Variants in SLC2A4 observed in about 807,000 individuals in gnomAD.
SLC2A4 encodes solute carrier family 2 member 4.
SLC2A4 carries 31 observed loss-of-function variants against 53.3 expected under a neutral mutation model. The ratio of observed to expected loss-of-function variants is 0.58; its 90% CI spans 0.44 to 0.78. SLC2A4 has a LOEUF of 0.78. Among genes scored for constraint, SLC2A4 ranks in the 30% least tolerant of loss-of-function variants. The probability of loss-of-function intolerance (pLI) is 0.00; values close to 1 mark genes in which losing one functional copy is unlikely to be tolerated. For synonymous variants in SLC2A4, 276 were observed against 281.9 expected (o/e 0.98, Z 0.21); for missense variants, 538 against 655.7 (o/e 0.82, Z 1.96).
chr17:7,282,552 CCCT>C lies in SLC2A4; in HGVS notation c.33+591_33+593del. On this transcript the variant is annotated intron_variant, in intron 1 of 10. Coordinates refer to ENST00000317370, the MANE Select transcript of SLC2A4 (RefSeq NM_001042.3). The surrounding 1 kb of genome is among the most constrained non-coding windows in gnomAD (Gnocchi z 4.1). ...CACCGCCCCTCACACTACCTTCCTG[CCCT>C]CCTCCCCTGGGCATGGCTCTCCCAG... 2.6e-6 allele frequency: 1 copy of C among 386,962 alleles called. No individual in the cohort carries two copies. Among genetic ancestry groups the C allele is most frequent in the South Asian group, 1.9e-5 (1 of 53,218 alleles). The allele number at this position is 386,962 out of a possible 1,614,324, so 24.0% of individuals were successfully genotyped here. A position where few individuals can be genotyped will look rare whatever the true frequency, so the allele number is the denominator to read the frequency against.
Position 7,285,025 on chromosome 17 carries a change from C to T in SLC2A4, c.1021-63C>T. On this transcript the variant is annotated intron_variant, in intron 8 of 10. Coordinates refer to ENST00000317370, the MANE Select transcript of SLC2A4 (RefSeq NM_001042.3). The surrounding 1 kb of genome is among the most constrained non-coding windows in gnomAD (Gnocchi z 6.0). Reference sequence around the variant, plus strand: ...GGTCCTGCTCTTGGTTGCCCTCACCCACGCGGCCCCTCCTACTTCCCGTGC... The same window carrying T: ...GGTCCTGCTCTTGGTTGCCCTCACCTACGCGGCCCCTCCTACTTCCCGTGC... 6.2e-7 allele frequency: 1 copy of T among 1,613,042 alleles called. No homozygotes were observed. The highest frequency in any genetic ancestry group is 8.5e-7 in the Non-Finnish European group (1 of 1,179,650).
In SLC2A4 at chr17:7,285,070, C is replaced by T; in HGVS notation, c.1021-18C>T. On this transcript the variant is annotated intron_variant, in intron 8 of 10. Transcript: ENST00000317370. The surrounding 1 kb of genome is among the most constrained non-coding windows in gnomAD (Gnocchi z 6.0). ...CCGTGCCCAAAAGGCTGGGGTCAAG[C>T]TCCGACTCTCCCCGCAGGTGTTGTT... 1 of 1,607,786 alleles carries T rather than the reference C, an allele frequency of 6.2e-7. No individual in the cohort carries two copies. Among genetic ancestry groups the T allele is most frequent in the Non-Finnish European group, 8.5e-7 (1 of 1,177,650 alleles).
chr17:7,283,772 G>C lies in SLC2A4; in HGVS notation c.358G>C (p.Val120Leu). 6.2e-7 allele frequency: 1 copy of C among 1,614,090 alleles called. No individual in the cohort carries two copies. The highest frequency in any genetic ancestry group is 8.5e-7 in the Non-Finnish European group (1 of 1,180,014). Residue 120 changes from valine to leucine, a missense_variant, in exon 4 of 11, where the codon GTG (valine) becomes CTG (leucine). Val to Leu is a conservative substitution (Grantham distance 32). Coordinates refer to ENST00000317370, the MANE Select transcript of SLC2A4 (RefSeq NM_001042.3). This position sits in a 1 kb window ranked among gnomAD's most constrained non-coding sequence, Gnocchi z 5.8. The stretch of plus-strand genomic sequence containing the variant: ...CATGCTGGTCAACAATGTCCTGGCG[G>C]TGCTGGGGGGCAGCCTCATGGGCCT... ...RAMLVNNVLA[V>L]LGGSLMGLAN...
chr17:7,284,550 C>G lies in SLC2A4; in HGVS notation c.793C>G (p.Arg265Gly). The change falls in exon 7 of 11, where the codon CGG becomes GGG. Residue 265 changes from arginine to glycine, a missense_variant. Coordinates refer to ENST00000317370, the MANE Select transcript of SLC2A4 (RefSeq NM_001042.3). The surrounding 1 kb of genome is among the most constrained non-coding windows in gnomAD (Gnocchi z 7.5). ...GVLAELKDEK[R>G]KLERERPLSL... ...GCTGGCTGAGCTGAAGGATGAGAAGCGGAAGCTGGAGCGTGAGCGGCCACT... is the reference window on the plus strand; with the variant it reads ...GCTGGCTGAGCTGAAGGATGAGAAGGGGAAGCTGGAGCGTGAGCGGCCACT... 6.2e-7 allele frequency: 1 copy of G among 1,614,216 alleles called. No homozygotes were observed. The highest frequency in any genetic ancestry group is 2.2e-5 in the East Asian group (1 of 44,878).
intron 10 of SLC2A4, chr17:7,286,222 G>A (rs769503394): frequency 2.8e-4 from 190 of 682,274 alleles, no homozygotes; most frequent in Non-Finnish European, 4.0e-4. Flanking sequence ...TGAAGAGGGC[G>A]AAAACTAAGA....
chr17:7,283,222 T>C lies in SLC2A4; in HGVS notation c.34-23T>C. ...AATCATGGTTCCATGTGACATGCTGTGTCTTTGTGTCTGCCTGTTCAGGAT... is the reference window on the plus strand; with the variant it reads ...AATCATGGTTCCATGTGACATGCTGCGTCTTTGTGTCTGCCTGTTCAGGAT... On this transcript the variant is annotated intron_variant, in intron 1 of 10. Transcript: ENST00000317370. The surrounding 1 kb of genome is among the most constrained non-coding windows in gnomAD (Gnocchi z 5.8). The C allele has an allele frequency of 6.3e-7, 1 of 1,581,620 alleles. No homozygotes were observed.
rs1597600553 is a variant in SLC2A4, at chr17:7,285,441, A to G, written c.1122+252A>G. 6.6e-6 allele frequency among the ~76,000 whole-genome samples: 1 copy of G among 152,202 alleles called. No homozygotes were observed. Among genetic ancestry groups the G allele is most frequent in the Non-Finnish European group, 1.5e-5 (1 of 68,036 alleles). Reference sequence around the variant, plus strand: ...GGAGGGAGAGCCCCTGTCAAGCCTCAGGAACAATCATTCCTAAGGACCCAG... The same window carrying G: ...GGAGGGAGAGCCCCTGTCAAGCCTCGGGAACAATCATTCCTAAGGACCCAG... On this transcript the variant is annotated intron_variant, in intron 9 of 10. Transcript: ENST00000317370. This position sits in a 1 kb window ranked among gnomAD's most constrained non-coding sequence, Gnocchi z 6.0.
chr17:7,285,004 CTGCTCTTGGT>C lies in SLC2A4; in HGVS notation c.1020+69_1021-71del. On this transcript the variant is annotated intron_variant, in intron 8 of 10. Transcript: ENST00000317370. The surrounding 1 kb of genome is among the most constrained non-coding windows in gnomAD (Gnocchi z 6.0). ...CACCTCCCTGGGTGTCCCGGAGGTC[CTGCTCTTGGT>C]TGCCCTCACCCACGCGGCCCCTCCT... The C allele has an allele frequency of 6.2e-7, 1 of 1,614,052 alleles. No homozygotes were observed. Among genetic ancestry groups the C allele is most frequent in the African/African-American group, 1.3e-5 (1 of 75,062 alleles).
In SLC2A4 at chr17:7,285,986, C is replaced by T; in HGVS notation, c.1326+78C>T. On this transcript the variant is annotated intron_variant, in intron 10 of 10. Transcript: ENST00000317370. This position sits in a 1 kb window ranked among gnomAD's most constrained non-coding sequence, Gnocchi z 6.0. ...ACAGCTAGCCCACCTGCTTCCCCGT[C>T]AGGGACTCCTCCAGCCACAGACCAT... The T allele has an allele frequency of 1.5e-6, 2 of 1,342,276 alleles. No individual in the cohort carries two copies. Among genetic ancestry groups the T allele is most frequent in the Non-Finnish European group, 2.1e-6 (2 of 960,988 alleles). The allele number at this position is 1,342,276 out of a possible 1,614,324, so 83.1% of individuals were successfully genotyped here.
rs746457651 is a variant in SLC2A4 at position 7,283,565 on chromosome 17, G to A, written c.243G>A (p.Trp81Ter). 6 of 1,614,030 alleles carry A rather than the reference G, an allele frequency of 3.7e-6. No individual in the cohort carries two copies. The highest frequency in any genetic ancestry group is 3.4e-6 in the Non-Finnish European group (4 of 1,180,006). ...SIPPGTLTTL[W>*]ALSVAIFSVG... ...CTCCAGGCACCCTCACCACCCTCTG[G>A]GCCCTCTCCGTGGCCATCTTTTCCG... The change falls in exon 3 of 11, where the codon TGG becomes TGA. Residue 81 changes from tryptophan (W) to a stop codon, truncating the protein, a stop_gained. Coordinates refer to ENST00000317370, the MANE Select transcript of SLC2A4 (RefSeq NM_001042.3). LOFTEE classifies it high-confidence loss of function. This position sits in a 1 kb window ranked among gnomAD's most constrained non-coding sequence, Gnocchi z 5.8.
In SLC2A4 at chr17:7,283,883, C is replaced by T. The variant is rs2072424861; in HGVS notation, c.448+21C>T. The T allele has an allele frequency of 3.1e-6, 5 of 1,614,038 alleles. No homozygotes were observed. Among genetic ancestry groups the T allele is most frequent in the Admixed American group, 3.3e-5 (2 of 60,000 alleles). On this transcript the variant is annotated intron_variant, in intron 4 of 10. Transcript: ENST00000317370. The surrounding 1 kb of genome is among the most constrained non-coding windows in gnomAD (Gnocchi z 5.8). ...CTCAGGTACTCACGGGCACCACAGCCCTGCCTAGCGCCCTGTTCTCTTTCA... is the reference window on the plus strand; with the variant it reads ...CTCAGGTACTCACGGGCACCACAGCTCTGCCTAGCGCCCTGTTCTCTTTCA...
rs752602527 is a variant in SLC2A4, at chr17:7,284,200, C to T, written c.565-17C>T. On this transcript the variant is annotated splice_polypyrimidine_tract_variant and intron_variant, in intron 5 of 10. Transcript: ENST00000317370. This position sits in a 1 kb window ranked among gnomAD's most constrained non-coding sequence, Gnocchi z 7.5. ...AGGGCTGAGTGACCTGCCTTCTTTC[C>T]CAACCTTCTCCCACAGGTGCTGGGC... is the stretch of plus-strand genomic sequence containing the variant. 10 of 1,611,764 alleles carry T rather than the reference C, an allele frequency of 6.2e-6. No homozygotes were observed. Among genetic ancestry groups the T allele is most frequent in the Non-Finnish European group, 8.5e-6 (10 of 1,180,014 alleles).
chr17:7,285,554 G>A lies in SLC2A4; in HGVS notation c.1123-151G>A. 1.3e-6 allele frequency: 1 copy of A among 764,254 alleles called. No individual in the cohort carries two copies. The highest frequency in any genetic ancestry group is 2.3e-6 in the Non-Finnish European group (1 of 438,062). 47.3% of individuals were successfully genotyped at this position (764,254 alleles called of 1,614,324 possible). ...TTGAACCCACTTGGGATAGCCAGCA[G>A]AATGCCAGTCAAGGGCCTGCTCTAA... On this transcript the variant is annotated intron_variant, in intron 9 of 10. Coordinates refer to ENST00000317370, the MANE Select transcript of SLC2A4 (RefSeq NM_001042.3). This position sits in a 1 kb window ranked among gnomAD's most constrained non-coding sequence, Gnocchi z 6.0.
At position 7,282,939 on chromosome 17, in the gene SLC2A4, C is replaced by T; in HGVS notation, c.34-306C>T. The T allele has an allele frequency of 2.4e-6, 1 of 415,796 alleles. No individual in the cohort carries two copies. The highest frequency in any genetic ancestry group is 2.1e-5 in the South Asian group (1 of 47,540). 25.8% of individuals were successfully genotyped at this position (415,796 alleles called of 1,614,324 possible). On this transcript the variant is annotated intron_variant, in intron 1 of 10. Transcript: ENST00000317370. This position sits in a 1 kb window ranked among gnomAD's most constrained non-coding sequence, Gnocchi z 4.1. ...GGCAGGGAAGTGACTTGGCCAAGGT[C>T]ACACAAATCTGAGCTCTTAAGGCCA...
chr17:7,281,904 G>A lies in SLC2A4; in HGVS notation c.-31G>A. 6.4e-7 allele frequency: 1 copy of A among 1,562,542 alleles called. No individual in the cohort carries two copies. Among genetic ancestry groups the A allele is most frequent in the Non-Finnish European group, 8.7e-7 (1 of 1,151,090 alleles). ...CAGGATCGGTTCTTTCATCTTCGCC[G>A]CCCCTGCGCGTCCAGCTCTTCTAAG... On this transcript the variant is annotated 5_prime_UTR_variant, in exon 1 of 11. Transcript: ENST00000317370.
Position 7,284,103 on chromosome 17 carries a change from G to C in SLC2A4, c.564+14G>C, listed in dbSNP as rs920700250. 6.2e-7 allele frequency: 1 copy of C among 1,612,578 alleles called. No homozygotes were observed. The highest frequency in any genetic ancestry group is 8.5e-7 in the Non-Finnish European group (1 of 1,178,954). ...CTGATCGCCCAGGTGACCGGAGCAA[G>C]CCTCATGGGTGCCTGGGCAGTGGTT... On this transcript the variant is annotated intron_variant, in intron 5 of 10. Coordinates refer to ENST00000317370, the MANE Select transcript of SLC2A4 (RefSeq NM_001042.3). The surrounding 1 kb of genome is among the most constrained non-coding windows in gnomAD (Gnocchi z 7.5).
At position 7,283,316 on chromosome 17, in the gene SLC2A4, C is replaced by T; in HGVS notation, c.105C>T (p.Ser35=). The T allele has an allele frequency of 6.2e-7, 1 of 1,614,058 alleles. No individual in the cohort carries two copies. The highest frequency in any genetic ancestry group is 8.5e-7 in the Non-Finnish European group (1 of 1,180,036). The change falls in exon 2 of 11, where the codon TCC becomes TCT. Residue 35 remains serine (S), a synonymous_variant. Transcript: ENST00000317370. The surrounding 1 kb of genome is among the most constrained non-coding windows in gnomAD (Gnocchi z 5.8). ...VLAVFSAVLG[S]LQFGYNIGVI... ...CTGTGTTCTCTGCGGTGCTTGGCTC[C>T]CTGCAGTTTGGGTACAACATTGGGG...
Position 7,286,410 on chromosome 17 carries a change from T to G in SLC2A4, c.1327-16T>G. On this transcript the variant is annotated splice_polypyrimidine_tract_variant and intron_variant, in intron 10 of 10. Coordinates refer to ENST00000317370, the MANE Select transcript of SLC2A4 (RefSeq NM_001042.3). Reference sequence around the variant, plus strand: ...CCACCTCACTCCGTCAACACCTCTTTCTCCACCTGTCCCAGGAGGCTATGG... The same window carrying G: ...CCACCTCACTCCGTCAACACCTCTTGCTCCACCTGTCCCAGGAGGCTATGG... 1 of 1,612,482 alleles carries G rather than the reference T, an allele frequency of 6.2e-7. No homozygotes were observed. The highest frequency in any genetic ancestry group is 2.2e-5 in the East Asian group (1 of 44,838).
At position 7,287,841 on chromosome 17, in the gene SLC2A4, A is replaced by G. The variant is rs1005960165; in HGVS notation, c.*1212A>G. Reference sequence around the variant, plus strand: ...AGTCACTGCTGAAGACAAGCATCCTATTGTGGAGGTACTTGAGGATGGGCT... The same window carrying G: ...AGTCACTGCTGAAGACAAGCATCCTGTTGTGGAGGTACTTGAGGATGGGCT... On this transcript the variant is annotated 3_prime_UTR_variant, in exon 11 of 11. Transcript: ENST00000317370. 1 of 152,164 alleles carries G rather than the reference A, an allele frequency of 6.6e-6. No homozygotes were observed. The highest frequency in any genetic ancestry group is 1.5e-5 in the Non-Finnish European group (1 of 68,036). 9.4% of individuals were successfully genotyped at this position (152,164 alleles called of 1,614,324 possible).
Sources: allele counts gnomAD v4.1 joint callset (sites outside exome capture counted in the v4.1 genomes callset), GRCh38; gene constraint gnomAD v4.1.1; non-coding constraint Gnocchi (gnomAD v3.1); transcripts MANE v1.5; gene names NCBI Gene and HGNC (gene_info 2026-07-23, HGNC 2026-07-21).